CDH8: variants seen among roughly 807,000 people sequenced by gnomAD.
CDH8 encodes cadherin 8, also known as cadherin-8.
A neutral mutation model predicts 68.1 loss-of-function variants in CDH8; 17 were observed. That is an observed-to-expected ratio of 0.25 (90% CI 0.17 to 0.37). The LOEUF (loss-of-function observed/expected upper bound fraction) is 0.37, where lower values mean the gene tolerates loss of function less well. Ranked by LOEUF, CDH8 falls within the 10% of genes least tolerant of loss-of-function variation. CDH8 has a pLI of 1.00. For missense variants in CDH8, 763 were observed against 999.3 expected (o/e 0.76, Z 3.19); for synonymous variants, 372 against 365.1 (o/e 1.02, Z -0.21).
At position 61,652,108 on chromosome 16, in the gene CDH8, G is replaced by A; in HGVS notation, c.*1500C>T. 1 of 952,342 alleles carries A rather than the reference G, an allele frequency of 1.1e-6. No homozygotes were observed. The allele number at this position is 952,342 out of a possible 1,614,324, so 59.0% of individuals were successfully genotyped here. The stretch of plus-strand genomic sequence containing the variant: ...ATAAACAATATTGCATTAAAGCAAA[G>A]TAGAAAATTAAAATGATCTGCATGT... On this transcript the variant is annotated 3_prime_UTR_variant, in exon 12 of 12. Coordinates refer to ENST00000577390, the MANE Select transcript of CDH8 (RefSeq NM_001796.5).
chr16:61,674,127 T>A (rs945939546), intron 10 of CDH8, among the ~76,000 whole-genome samples: 1 of 152,042 alleles, frequency 6.6e-6, no homozygotes, highest in Non-Finnish European at 1.5e-5. Context: ...ACAAGAAAGA[T>A]ACACCATAAA....
chr16:61,928,094 AC>A (rs1317182978), intron 2 of CDH8, among the ~76,000 whole-genome samples: 1 of 152,230 alleles, frequency 6.6e-6, no homozygotes, highest in African/African-American at 2.4e-5. Flanking sequence ...CTGTGGTATT[AC>A]ATGGCTGGTT....
chr16:61,711,739 A>T (rs745738361), intron 10 of CDH8: 1 of 151,700 alleles, frequency 6.6e-6, no homozygotes, highest in Non-Finnish European at 1.5e-5. Context: ...GATGTTGAAG[A>T]TTTGGATCCT....
chr16:61,892,631 A>G (rs1009628180), intron 3 of CDH8, among the ~76,000 whole-genome samples: 2 of 152,198 alleles, frequency 1.3e-5, no homozygotes, highest in Non-Finnish European at 2.9e-5. Context: ...AATACAGAGT[A>G]TTATGGAGAT....
chr16:61,946,760 A>G (rs1226288320), intron 2 of CDH8, among the ~76,000 whole-genome samples: 4 of 152,214 alleles, frequency 2.6e-5, no homozygotes, highest in Non-Finnish European at 5.9e-5. Context: ...CTGAAGGTCA[A>G]TGCCACAAAG....
intron 3 of CDH8, among the ~76,000 whole-genome samples, chr16:61,879,577 T>C (rs540213924): frequency 6.6e-6 from 1 of 152,338 alleles, no homozygotes; most frequent in African/African-American, 2.4e-5. Context: ...CCTCACAAAC[T>C]GCTCTGTGCC....
At position 61,651,039 on chromosome 16, in the gene CDH8, A is replaced by G. The variant is rs1438270871; in HGVS notation, c.*2569T>C. ...GAAGATTATCCTGTTGATTACCAAT[A>G]TTTGAGGATACAGATTTTATACTCC... On this transcript the variant is annotated 3_prime_UTR_variant, in exon 12 of 12. Coordinates refer to ENST00000577390, the MANE Select transcript of CDH8 (RefSeq NM_001796.5). 1 of 152,154 alleles carries G rather than the reference A, an allele frequency of 6.6e-6. No homozygotes were observed. The highest frequency in any genetic ancestry group is 1.5e-5 in the Non-Finnish European group (1 of 68,034). 9.4% of individuals were successfully genotyped at this position (152,154 alleles called of 1,614,324 possible).
chr16:61,835,657 A>G (rs1343810416), intron 4 of CDH8, among the ~76,000 whole-genome samples: 1 of 151,974 alleles, frequency 6.6e-6, no homozygotes, highest in Non-Finnish European at 1.5e-5. Flanking sequence ...AAATGAAAAC[A>G]TTTCCAGGGA....
chr16:61,709,589 T>C (rs547362131), intron 10 of CDH8, among the ~76,000 whole-genome samples: 1 of 152,180 alleles, frequency 6.6e-6, no homozygotes, highest in East Asian at 1.9e-4. Flanking sequence ...CCACAGAGTA[T>C]GTGTGTTTGC....
chr16:61,935,135 C>T (rs1391237573), intron 2 of CDH8, among the ~76,000 whole-genome samples: 2 of 152,206 alleles, frequency 1.3e-5, no homozygotes, highest in Middle Eastern at 3.4e-3. Flanking sequence ...AATACTCCAG[C>T]GTCCTGCAAG....
chr16:61,792,853 G>A (rs548849945), intron 7 of CDH8, among the ~76,000 whole-genome samples: 7 of 151,970 alleles, frequency 4.6e-5, no homozygotes, highest in African/African-American at 7.2e-5. Context: ...ATAACACAGT[G>A]TGAAGGGCCC....
intron 8 of CDH8, among the ~76,000 whole-genome samples, chr16:61,751,883 T>C (rs1257187561): frequency 6.6e-6 from 1 of 152,158 alleles, no homozygotes; most frequent in East Asian, 1.9e-4. Context: ...GCCAATATTC[T>C]TCAAGCCAAA....
chr16:61,931,934 G>A (rs1231740876), intron 2 of CDH8, among the ~76,000 whole-genome samples: 5 of 152,130 alleles, frequency 3.3e-5, no homozygotes, highest in Admixed American at 2.6e-4. Flanking sequence ...CAGGCTGGGC[G>A]CTATGGCTCA....
At chr16:61,691,001 C>G (rs766770901) in intron 10 of CDH8, among the ~76,000 whole-genome samples, 1 of 152,076 alleles carries the variant, frequency 6.6e-6, no homozygotes, top group South Asian at 2.1e-4. Context: ...ACTTTATAGT[C>G]TACTAGTACC....
intron 3 of CDH8, among the ~76,000 whole-genome samples, chr16:61,892,397 T>C (rs921442288): frequency 2.0e-4 from 31 of 152,258 alleles, no homozygotes; most frequent in African/African-American, 7.2e-4. Flanking sequence ...ATACAATATG[T>C]CTAAATCTCC....
chr16:61,719,994 A>AAC (rs10595910), intron 9 of CDH8, among the ~76,000 whole-genome samples: 16,681 of 147,060 alleles, frequency 0.11, 896 homozygotes, highest in South Asian at 0.15. Context: ...CTTATTAGGT[A>AAC]ACACACACAC....
intron 2 of CDH8, among the ~76,000 whole-genome samples, chr16:61,959,978 G>GTGTGTA (rs1965064877): frequency 2.2e-5 from 1 of 46,502 alleles, no homozygotes; most frequent in Non-Finnish European, 4.2e-5. Context: ...GTATGTGTGT[G>GTGTGTA]TGTGTGTATA....
intron 10 of CDH8, among the ~76,000 whole-genome samples, chr16:61,681,927 G>A (rs1964019656): frequency 6.6e-6 from 1 of 151,768 alleles, no homozygotes; most frequent in South Asian, 2.1e-4. Context: ...GATGCTAACG[G>A]TATTCATAAT....
chr16:61,844,361 C>T (rs950332887), intron 4 of CDH8, among the ~76,000 whole-genome samples: 2 of 151,822 alleles, frequency 1.3e-5, no homozygotes, highest in Admixed American at 1.3e-4. Flanking sequence ...AGCACACCAA[C>T]ATGGCACATG....
Sources: allele counts gnomAD v4.1 joint callset (sites outside exome capture counted in the v4.1 genomes callset), GRCh38; gene constraint gnomAD v4.1.1; transcripts MANE v1.5; gene names NCBI Gene and HGNC (gene_info 2026-07-23, HGNC 2026-07-21).